LRRC75A: variants seen among roughly 807,000 people sequenced by gnomAD.
The protein encoded by LRRC75A is leucine-rich repeat-containing protein 75A.
LRRC75A carries 12 observed loss-of-function variants against 26.0 expected under a neutral mutation model. The observed-to-expected ratio is 0.46, with a 90% confidence interval of 0.30 to 0.75. The LOEUF (loss-of-function observed/expected upper bound fraction) is 0.75, where lower values mean the gene tolerates loss of function less well. LRRC75A is among the 30% of genes least tolerant of loss of function. The pLI is 0.08. For missense variants in LRRC75A, 410 were observed against 486.6 expected, an observed-to-expected ratio of 0.84 and a Z score of 1.48; for synonymous variants, 223 against 219.3, an observed-to-expected ratio of 1.02 and a Z score of -0.15.
At chr17:16,459,665 G>A (rs1236220637) in intron 2 of LRRC75A, among the ~76,000 whole-genome samples, 1 of 152,178 alleles carries the variant, frequency 6.6e-6, no homozygotes, top group African/African-American at 2.4e-5. Flanking sequence ...CGAGCTCTCC[G>A]GTCTTGACAC....
At chr17:16,487,722 T>C (rs888419682) in intron 1 of LRRC75A, among the ~76,000 whole-genome samples, 4 of 152,190 alleles carry the variant, frequency 2.6e-5, no homozygotes, top group African/African-American at 9.7e-5. Flanking sequence ...GGTGTGAGCA[T>C]TTCGCCTGGC....
At chr17:16,480,642 A>C (rs897007879) in intron 1 of LRRC75A, among the ~76,000 whole-genome samples, 13 of 149,884 alleles carry the variant, frequency 8.7e-5, no homozygotes, top group African/African-American at 2.7e-4. Context: ...AAAAAAAAAA[A>C]CAAAAAAAAA....
rs769534408 is a variant in LRRC75A at position 16,462,705 on chromosome 17, C to T, written c.247-319G>A. ...GGAGGAAGCCAAGGGTGGCCTGCCT[C>T]GGTGCAAGCAGCTGCTTCTCTATGG... On this transcript the variant is annotated intron_variant, in intron 1 of 3. Coordinates refer to ENST00000470794, the MANE Select transcript of LRRC75A (RefSeq NM_001113567.3). This position sits in a 1 kb window ranked among gnomAD's most constrained non-coding sequence, Gnocchi z 4.6. 8.2e-5 allele frequency: 26 copies of T among 316,604 alleles called. No individual in the cohort carries two copies. Among genetic ancestry groups the T allele is most frequent in the Non-Finnish European group, 3.5e-5 (6 of 170,790 alleles). The allele number at this position is 316,604 out of a possible 1,614,324, so 19.6% of individuals were successfully genotyped here.
intron 2 of LRRC75A, among the ~76,000 whole-genome samples, chr17:16,453,314 ACACACG>A (rs1228533814): frequency 0.02 from 1,986 of 100,476 alleles, 41 homozygotes; most frequent in African/African-American, 0.049. Flanking sequence ...ACACACACGC[ACACACG>A]CACACACGCA....
rs901139871 is a variant in LRRC75A at position 16,442,940 on chromosome 17, G to C, written c.*648C>G. ...TGTCTGTCCTGAGCACTACCACATG[G>C]CATCGTAGGCTGCTCTGTCAAAGGA... On this transcript the variant is annotated 3_prime_UTR_variant, in exon 4 of 4. Coordinates refer to ENST00000470794, the MANE Select transcript of LRRC75A (RefSeq NM_001113567.3). 4.6e-5 allele frequency: 7 copies of C among 152,326 alleles called. No homozygotes were observed. The highest frequency in any genetic ancestry group is 1.7e-4 in the African/African-American group (7 of 41,452). The allele number at this position is 152,326 out of a possible 1,614,324, so 9.4% of individuals were successfully genotyped here. A position where few individuals can be genotyped will look rare whatever the true frequency, so the allele number is the denominator to read the frequency against.
rs747590368 is a variant in LRRC75A, at chr17:16,447,859, C to T, written c.477G>A (p.Arg159=). The T allele has an allele frequency of 6.5e-7, 1 of 1,547,510 alleles. No individual in the cohort carries two copies. The highest frequency in any genetic ancestry group is 8.7e-7 in the Non-Finnish European group (1 of 1,145,532). The change falls in exon 3 of 4, where the codon AGG becomes AGA. Residue 159 remains arginine, a synonymous_variant. Coordinates refer to ENST00000470794, the MANE Select transcript of LRRC75A (RefSeq NM_001113567.3). ...QWRRHRGLVK[R]KPQACLKAVL... ...GTGTAACTCACCAGGCCTGTGGCTT[C>T]CTTTTCACCAGCCCCCGGTGCCGCC...
intron 2 of LRRC75A, among the ~76,000 whole-genome samples, chr17:16,459,120 A>G (rs2093708002): frequency 6.6e-6 from 1 of 152,164 alleles, no homozygotes; most frequent in Non-Finnish European, 1.5e-5. Context: ...AAACTTCACA[A>G]TGGAATATGT....
At chr17:16,490,016 G>C (rs1484411497) in intron 1 of LRRC75A, among the ~76,000 whole-genome samples, 2 of 152,202 alleles carry the variant, frequency 1.3e-5, no homozygotes, top group African/African-American at 4.8e-5. Context: ...TCAAGGCAGG[G>C]AGAAGCTCAG....
chr17:16,449,692 C>T (rs2093615280), intron 2 of LRRC75A, among the ~76,000 whole-genome samples: 1 of 152,220 alleles, frequency 6.6e-6, no homozygotes, highest in African/African-American at 2.4e-5. Flanking sequence ...TCTCGGCTCA[C>T]TGCAACCTCC....
chr17:16,471,102 G>A (rs1406800621), intron 1 of LRRC75A, among the ~76,000 whole-genome samples: 2 of 152,198 alleles, frequency 1.3e-5, no homozygotes, highest in Non-Finnish European at 2.9e-5. Flanking sequence ...TTACCTTCAG[G>A]ACCCTGAGAT....
chr17:16,468,960 T>G (rs1209615162), intron 1 of LRRC75A, among the ~76,000 whole-genome samples: 1 of 152,192 alleles, frequency 6.6e-6, no homozygotes, highest in South Asian at 2.1e-4. Context: ...GCCATTCTTT[T>G]TCTACCCCTG....
At chr17:16,481,131 T>C (rs2093833008) in intron 1 of LRRC75A, among the ~76,000 whole-genome samples, 1 of 152,310 alleles carries the variant, frequency 6.6e-6, no homozygotes, top group African/African-American at 2.4e-5. Context: ...CCCTTGGCCT[T>C]CTAAGGACAT....
At chr17:16,460,171 G>C (rs1440751353) in intron 2 of LRRC75A, among the ~76,000 whole-genome samples, 2 of 152,120 alleles carry the variant, frequency 1.3e-5, no homozygotes, top group African/African-American at 4.8e-5. Context: ...CCCAGAAAAA[G>C]GTCCTTGCCA....
intron 1 of LRRC75A, among the ~76,000 whole-genome samples, chr17:16,467,204 A>G (rs1183516550): frequency 6.6e-6 from 1 of 152,192 alleles, no homozygotes; most frequent in Non-Finnish European, 1.5e-5. Context: ...CCCAGGCTGG[A>G]TTGCAGCGGT....
chr17:16,484,831 C>G (rs897675275), intron 1 of LRRC75A, among the ~76,000 whole-genome samples: 12 of 152,158 alleles, frequency 7.9e-5, no homozygotes, highest in African/African-American at 2.4e-4. Context: ...ACTCCCCACT[C>G]TCAGCTGTGC....
chr17:16,491,951 C>G lies in LRRC75A; in HGVS notation c.40G>C (p.Ala14Pro). ...GGGCCCGGCGCGGCGCCGGGGCTGG[C>G]TCTCTCCGCCAGGCTGCCCTTGGTC... is the stretch of plus-strand genomic sequence containing the variant. ...RQTKGSLAER[A>P]SPGAAPGPRR... Residue 14 changes from alanine (A) to proline (P), a missense_variant, in exon 1 of 4, where the codon GCC becomes CCC. Physicochemically the swap from Ala to Pro is conservative, Grantham distance 27. Coordinates refer to ENST00000470794, the MANE Select transcript of LRRC75A (RefSeq NM_001113567.3). The surrounding 1 kb of genome is among the most constrained non-coding windows in gnomAD (Gnocchi z 5.9). 8.1e-7 allele frequency: 1 copy of G among 1,230,374 alleles called. No homozygotes were observed. 76.2% of individuals were successfully genotyped at this position (1,230,374 alleles called of 1,614,324 possible).
rs546019228 is a variant in LRRC75A at position 16,461,913 on chromosome 17, G to A, written c.375+345C>T. 1.6e-4 allele frequency among the ~76,000 whole-genome samples: 25 copies of A among 152,046 alleles called. No individual in the cohort carries two copies. In the South Asian group the frequency reaches 4.4e-3, roughly 27 times the overall value. ...TACAACCTGTACAACTGTATGTGGT[G>A]GCCTTGGCCCCATATAACAGGGATG... On this transcript the variant is annotated intron_variant, in intron 2 of 3. Coordinates refer to ENST00000470794, the MANE Select transcript of LRRC75A (RefSeq NM_001113567.3).
intron 2 of LRRC75A, among the ~76,000 whole-genome samples, chr17:16,461,507 G>A (rs1425926730): frequency 6.6e-6 from 1 of 152,256 alleles, no homozygotes; most frequent in African/African-American, 2.4e-5. Flanking sequence ...ACCTGGAGCT[G>A]CAGGAACATG....
intron 1 of LRRC75A, among the ~76,000 whole-genome samples, chr17:16,487,534 G>C (rs145842437): frequency 6.6e-6 from 1 of 152,158 alleles, no homozygotes; most frequent in Non-Finnish European, 1.5e-5. Context: ...TGCTTCCCAA[G>C]CTCAAGCCAT....
Sources: gnomAD v4.1 joint callset for allele counts (sites outside exome capture counted in the v4.1 genomes callset) on GRCh38, gnomAD v4.1.1 for gene constraint, Gnocchi (gnomAD v3.1) non-coding constraint, MANE v1.5 for transcripts, NCBI Gene and HGNC (gene_info 2026-07-23, HGNC 2026-07-21) for gene names.